The following RASL12 variants were observed in gnomAD, a reference collection of about 807,000 sequenced individuals.
RASL12 encodes the protein RAS like family 12.
RASL12 carries 16 observed loss-of-function variants against 22.9 expected under a neutral mutation model. The observed-to-expected ratio is 0.70, with a 90% CI of 0.47 to 1.06. The LOEUF is 1.06. RASL12 is among the 50% of genes least tolerant of loss of function. The pLI is 0.00. For synonymous variants in RASL12, 159 were observed against 152.2 expected, an observed-to-expected ratio of 1.04 and a Z score of -0.33; for missense variants, 306 against 353.1, an observed-to-expected ratio of 0.87 and a Z score of 1.07.
At chr15:65,057,921 C>A (rs933007667) in intron 4 of RASL12, among the ~76,000 whole-genome samples, 1 of 152,170 alleles carries the variant, frequency 6.6e-6, no homozygotes, top group Admixed American at 6.5e-5. Flanking sequence ...GACCCAGAAG[C>A]GTTTCCCTTC....
Position 65,054,997 on chromosome 15 carries a change from C to A in RASL12, c.703G>T (p.Val235Leu). 6.2e-7 allele frequency: 1 copy of A among 1,614,160 alleles called. No homozygotes were observed. The highest frequency in any genetic ancestry group is 1.7e-5 in the Admixed American group (1 of 60,012). The change falls in exon 5 of 5, where the codon GTG becomes TTG. Residue 235 changes from valine (V) to leucine (L), a missense_variant. Physicochemically the swap from Val to Leu is conservative, Grantham distance 32. Coordinates refer to ENST00000220062, the MANE Select transcript of RASL12 (RefSeq NM_016563.4). The stretch of plus-strand genomic sequence containing the variant: ...ACGGTGACCAGCTTGGCCTGGGCCA[C>A]AGTGGGCATCTCCTTCAGGTTGATG... ...STINLKEMPT[V>L]AQAKLVTVKS...
At chr15:65,061,116 T>C (rs2086798250) in intron 2 of RASL12, among the ~76,000 whole-genome samples, 1 of 152,228 alleles carries the variant, frequency 6.6e-6, no homozygotes, top group South Asian at 2.1e-4. Flanking sequence ...TGAAAGGCGC[T>C]AGCTCAACCT....
At chr15:65,050,836 C>CTTTTTTTTTTTTTT (rs57404080), downstream of RASL12, among the ~76,000 whole-genome samples, 7 of 95,650 alleles carry the variant, frequency 7.3e-5, no homozygotes, top group Non-Finnish European at 1.1e-4. Context: ...TCTTCTTCTT[C>CTTTTTTTTTTTTTT]TTTTTTTTTT....
At chr15:65,051,874 C>A (rs902061647), downstream of RASL12, among the ~76,000 whole-genome samples, 1 of 152,196 alleles carries the variant, frequency 6.6e-6, no homozygotes, top group Admixed American at 6.5e-5. Flanking sequence ...ATTCAGAAGG[C>A]GAGCTTGCCC....
At chr15:65,067,681 C>G in intron 1 of RASL12, 52 bp downstream of exon 1, 4 of 1,499,362 alleles carry the variant, frequency 2.7e-6, no homozygotes, top group South Asian at 2.5e-5. Context: ...ACTGTCCCCC[C>G]ACCCACGCCC....
chr15:65,058,695 A>G (rs1017164265), intron 3 of RASL12, 78 bp from the exon 4 acceptor site: 1 of 1,027,906 alleles, frequency 9.7e-7, no homozygotes, highest in Non-Finnish European at 1.3e-6. Flanking sequence ...GCCCAATCCC[A>G]CCTCCCCACT....
At chr15:65,053,147 C>A (rs1248502752), downstream of RASL12, 1 of 1,614,016 alleles carries the variant, frequency 6.2e-7, no homozygotes, top group Admixed American at 1.7e-5. Context: ...TCCGGATGTA[C>A]CAGAAACTGA....
downstream of RASL12, chr15:65,051,648 TAGAGG>T: frequency 6.4e-7 from 1 of 1,570,648 alleles, no homozygotes. Flanking sequence ...CTCTGTGGGG[TAGAGG>T]CCCTGCCTTC....
chr15:65,070,844 A>G (rs548672296), upstream of RASL12, among the ~76,000 whole-genome samples: 13 of 152,326 alleles, frequency 8.5e-5, no homozygotes, highest in African/African-American at 2.6e-4. Flanking sequence ...GGGGAACAGA[A>G]CCTTAGAAGG....
chr15:65,055,052 C>T lies in RASL12; in HGVS notation c.648G>A (p.Leu216=), dbSNP rs1435912192. 6.2e-6 allele frequency: 10 copies of T among 1,613,552 alleles called. No homozygotes were observed. Among genetic ancestry groups the T allele is most frequent in the Non-Finnish European group, 8.5e-6 (10 of 1,179,810 alleles). The change falls in exon 5 of 5, where the codon CTG becomes CTA. Residue 216 remains leucine (L), a synonymous_variant. Coordinates refer to ENST00000220062, the MANE Select transcript of RASL12 (RefSeq NM_016563.4). ...HQAPLTARHG[L]ASCTFNTLST... ...AGAGCGTGTTGAAGGTGCAGCTGGC[C>T]AGCCCATGCCGCGCGGTGAGCGGGG... is the stretch of plus-strand genomic sequence containing the variant.
Position 65,067,907 on chromosome 15 carries a change from C to G in RASL12, c.-72G>C. ...CGCAGTGCGCCCGCCCGTCGGGGCC[C>G]AGGGGAGCGGGATGCAGGCTTCCCT... On this transcript the variant is annotated 5_prime_UTR_variant, in exon 1 of 5. Transcript: ENST00000220062. 7.4e-7 allele frequency: 1 copy of G among 1,355,182 alleles called. No individual in the cohort carries two copies. Among genetic ancestry groups the G allele is most frequent in the East Asian group, 3.2e-5 (1 of 31,640 alleles). The allele number at this position is 1,355,182 out of a possible 1,614,324, so 83.9% of individuals were successfully genotyped here.
At chr15:65,071,330 T>C (rs1454959350), upstream of RASL12, among the ~76,000 whole-genome samples, 1 of 151,694 alleles carries the variant, frequency 6.6e-6, no homozygotes, top group Non-Finnish European at 1.5e-5. Flanking sequence ...GAGAGGGAGG[T>C]TGGTGTGGGG....
the RASL12 span, among the ~76,000 whole-genome samples, chr15:65,047,606 T>C: frequency 6.6e-6 from 1 of 152,180 alleles, no homozygotes; most frequent in Non-Finnish European, 1.5e-5. Context: ...CTGATGTTAC[T>C]AATCAATCCA....
downstream of RASL12, chr15:65,051,517 T>A: frequency 6.2e-7 from 1 of 1,613,454 alleles, no homozygotes; most frequent in Non-Finnish European, 8.5e-7. Context: ...TTCCCCAGCA[T>A]CTCCCTGGAA....
At chr15:65,047,358 C>T in the RASL12 span, among the ~76,000 whole-genome samples, 1 of 151,034 alleles carries the variant, frequency 6.6e-6, no homozygotes, top group Non-Finnish European at 1.5e-5. Context: ...AACATACATA[C>T]AAATAGACAA....
upstream of RASL12, among the ~76,000 whole-genome samples, chr15:65,072,191 G>T (rs2086936645): frequency 6.6e-6 from 1 of 152,180 alleles, no homozygotes; most frequent in African/African-American, 2.4e-5. Flanking sequence ...TAGTATTCAT[G>T]GGGACTTCTG....
exon 1 of RASL12, chr15:65,076,598 T>C (rs1276276878): frequency 5.7e-6 from 4 of 704,284 alleles, no homozygotes; most frequent in African/African-American, 1.7e-5. Context: ...ATTATTACCA[T>C]TTCTTCTAAG....
chr15:65,059,433 G>A lies in RASL12; in HGVS notation c.161-15C>T, dbSNP rs909796270. Reference sequence around the variant, plus strand: ...GTAGGTGTCCTCTACAACACAGATGGTTAGCCAGGTCAGACACAGTGCCTT... The same window carrying A: ...GTAGGTGTCCTCTACAACACAGATGATTAGCCAGGTCAGACACAGTGCCTT... On this transcript the variant is annotated splice_polypyrimidine_tract_variant and intron_variant, in intron 2 of 4. Transcript: ENST00000220062. 6.2e-7 allele frequency: 1 copy of A among 1,608,562 alleles called. No homozygotes were observed. The highest frequency in any genetic ancestry group is 1.3e-5 in the African/African-American group (1 of 74,836).
At chr15:65,046,903 ACT>A in the RASL12 span, among the ~76,000 whole-genome samples, 4 of 151,920 alleles carry the variant, frequency 2.6e-5, no homozygotes, top group African/African-American at 7.3e-5. Flanking sequence ...ACAGAGCCAG[ACT>A]CTGTCTCAAA....
Sources: allele counts gnomAD v4.1 joint callset (sites outside exome capture counted in the v4.1 genomes callset), GRCh38; gene constraint gnomAD v4.1.1; transcripts MANE v1.5; gene names NCBI Gene and HGNC (gene_info 2026-07-23, HGNC 2026-07-21).